FHIT: variants seen among roughly 807,000 people sequenced by gnomAD.
FHIT encodes the protein fragile histidine triad diadenosine triphosphatase.
Under a neutral mutation model 17.9 loss-of-function variants are expected in FHIT, and 19 were observed. The observed-to-expected ratio is 1.06, with a 90% CI of 0.74 to 1.56. The LOEUF (loss-of-function observed/expected upper bound fraction) is 1.56. Ranked by LOEUF, FHIT falls within the 40% of genes most tolerant of loss-of-function variation. The pLI, the probability that FHIT is intolerant of heterozygous loss-of-function variation, is 0.00. For missense variants in FHIT, 248 were observed against 189.2 expected (o/e 1.31, Z -1.82); for synonymous variants, 81 against 69.7 (o/e 1.16, Z -0.81).
At chr3:60,888,312 G>A (rs537969956) in intron 3 of FHIT, among the ~76,000 whole-genome samples, 7 of 152,282 alleles carry the variant, frequency 4.6e-5, no homozygotes, top group South Asian at 4.2e-4. Flanking sequence ...TTTCCTGAGT[G>A]TTTCAAAAGG....
At chr3:59,965,351 T>A (rs1435048576) in intron 7 of FHIT, among the ~76,000 whole-genome samples, 1 of 152,292 alleles carries the variant, frequency 6.6e-6, no homozygotes, top group East Asian at 1.9e-4. Context: ...AATATATATC[T>A]AATTATATAC....
chr3:60,638,912 A>G (rs1042789304), intron 4 of FHIT, among the ~76,000 whole-genome samples: 1 of 151,268 alleles, frequency 6.6e-6, no homozygotes, highest in Non-Finnish European at 1.5e-5. Context: ...TCCTTAAAAC[A>G]TGACTGGAAA....
intron 3 of FHIT, among the ~76,000 whole-genome samples, chr3:61,020,037 C>A (rs2032329000): frequency 6.6e-6 from 1 of 152,046 alleles, no homozygotes; most frequent in Non-Finnish European, 1.5e-5. Context: ...CCTGACAGGC[C>A]CTTTGGGTAT....
At chr3:60,018,496 T>TA (rs1449159263) in intron 5 of FHIT, among the ~76,000 whole-genome samples, 1 of 152,058 alleles carries the variant, frequency 6.6e-6, no homozygotes, top group East Asian at 1.9e-4. Context: ...CAACATGCTA[T>TA]AAAAAATCCC....
chr3:60,588,916 T>C (rs1023126497), intron 4 of FHIT, among the ~76,000 whole-genome samples: 4 of 152,038 alleles, frequency 2.6e-5, no homozygotes, highest in African/African-American at 4.8e-5. Flanking sequence ...GAATTCAGCA[T>C]TTAGCTCCAG....
intron 5 of FHIT, among the ~76,000 whole-genome samples, chr3:60,240,535 A>G (rs1486691620): frequency 6.6e-6 from 1 of 152,186 alleles, no homozygotes; most frequent in East Asian, 1.9e-4. Context: ...ACGAGAAAAA[A>G]CATCACGGAA....
intron 2 of FHIT, among the ~76,000 whole-genome samples, chr3:61,058,552 G>A (rs2034309751): frequency 1.3e-5 from 2 of 152,140 alleles, no homozygotes; most frequent in Non-Finnish European, 2.9e-5. Context: ...TAATGAGTGA[G>A]ATCTGGTTGT....
intron 5 of FHIT, among the ~76,000 whole-genome samples, chr3:60,164,902 T>C (rs1282182538): frequency 6.6e-6 from 1 of 152,184 alleles, no homozygotes; most frequent in South Asian, 2.1e-4. Context: ...CCTGTTGGCA[T>C]ACCAAACTCC....
At chr3:61,110,832 G>A (rs976640025) in intron 2 of FHIT, among the ~76,000 whole-genome samples, 1 of 152,120 alleles carries the variant, frequency 6.6e-6, no homozygotes, top group Non-Finnish European at 1.5e-5. Context: ...GATAGAAAGT[G>A]AAAGTTCTTT....
intron 4 of FHIT, among the ~76,000 whole-genome samples, chr3:60,787,584 T>C (rs1700625638): frequency 6.6e-6 from 1 of 152,250 alleles, no homozygotes; most frequent in Non-Finnish European, 1.5e-5. Flanking sequence ...TGCATATGCC[T>C]TGCATGAAAC....
chr3:60,092,005 C>T (rs1179257015), intron 5 of FHIT, among the ~76,000 whole-genome samples: 5 of 152,120 alleles, frequency 3.3e-5, no homozygotes, highest in South Asian at 2.1e-4. Flanking sequence ...TCAGGAGTCT[C>T]CCCCTGGTTG....
chr3:60,855,670 T>C (rs181548497), intron 3 of FHIT, among the ~76,000 whole-genome samples: 5 of 152,278 alleles, frequency 3.3e-5, no homozygotes, highest in Middle Eastern at 3.4e-3. Flanking sequence ...TATCTTAACA[T>C]CATCTTCCAT....
chr3:60,913,065 G>A (rs1470483499), intron 3 of FHIT, among the ~76,000 whole-genome samples: 2 of 152,226 alleles, frequency 1.3e-5, no homozygotes, highest in African/African-American at 2.4e-5. Context: ...GTAGGTGAAA[G>A]CATTGCCATG....
At chr3:59,898,277 C>T (rs943018195) in intron 8 of FHIT, among the ~76,000 whole-genome samples, 1 of 152,080 alleles carries the variant, frequency 6.6e-6, no homozygotes, top group African/African-American at 2.4e-5. Context: ...GTCCCATTCC[C>T]AAGATATCTC....
intron 5 of FHIT, among the ~76,000 whole-genome samples, chr3:60,441,807 T>A (rs1181187340): frequency 2.4e-4 from 30 of 124,204 alleles, no homozygotes; most frequent in African/African-American, 6.3e-4. Flanking sequence ...TATATATATA[T>A]ATATATATCA....
chr3:60,370,170 G>A (rs1421128522), intron 5 of FHIT, among the ~76,000 whole-genome samples: 2 of 151,222 alleles, frequency 1.3e-5, no homozygotes, highest in African/African-American at 4.9e-5. Flanking sequence ...CCTGTGTTAA[G>A]TTTATAGATA....
At chr3:59,878,352 A>G (rs1703256033) in intron 8 of FHIT, among the ~76,000 whole-genome samples, 2 of 152,154 alleles carry the variant, frequency 1.3e-5, no homozygotes, top group African/African-American at 4.8e-5. Flanking sequence ...CCAGAGCTCC[A>G]TCTTCCCGCC....
chr3:60,216,618 G>A (rs1162242805), intron 5 of FHIT, among the ~76,000 whole-genome samples: 1 of 152,108 alleles, frequency 6.6e-6, no homozygotes, highest in Non-Finnish European at 1.5e-5. Context: ...TAAGCTGACT[G>A]CTTAGAGTAT....
chr3:59,945,318 T>C (rs145847074), intron 7 of FHIT, among the ~76,000 whole-genome samples: 1 of 152,358 alleles, frequency 6.6e-6, no homozygotes, highest in African/African-American at 2.4e-5. Context: ...CTCATGTATG[T>C]CTTCTTTTGA....
Sources: allele counts gnomAD v4.1 joint callset (sites outside exome capture counted in the v4.1 genomes callset), GRCh38; gene constraint gnomAD v4.1.1; transcripts MANE v1.5; gene names NCBI Gene and HGNC (gene_info 2026-07-23, HGNC 2026-07-21).